The following B3GALT1 variants were observed in gnomAD, a reference collection of about 807,000 sequenced individuals.
B3GALT1 encodes UDP-Gal:betaGlcNAc beta 1,3-galactosyltransferase, polypeptide 1.
In B3GALT1, 10 loss-of-function variants were observed where a neutral mutation model predicts 23.2. That is an observed-to-expected ratio of 0.43 (90% CI 0.27 to 0.73). The LOEUF is 0.73. B3GALT1 is among the 30% of genes least tolerant of loss of function. The pLI is 0.21. For synonymous variants in B3GALT1, 156 were observed against 141.5 expected, an observed-to-expected ratio of 1.10 and a Z score of -0.73; for missense variants, 299 against 405.4, an observed-to-expected ratio of 0.74 and a Z score of 2.25.
chr2:167,439,778 G>T (rs1698847937), intron 1 of B3GALT1, among the ~76,000 whole-genome samples: 1 of 151,300 alleles, frequency 6.6e-6, no homozygotes, highest in South Asian at 2.1e-4. Context: ...TTTAGCAAAT[G>T]TTTATCTATT....
intron 1 of B3GALT1, among the ~76,000 whole-genome samples, chr2:167,431,366 A>G (rs1698701924): frequency 6.6e-6 from 1 of 152,210 alleles, no homozygotes; most frequent in East Asian, 1.9e-4. Context: ...TAATGGAGCC[A>G]TGGGAGTTTT....
intron 3 of B3GALT1, among the ~76,000 whole-genome samples, chr2:167,796,785 G>A (rs908820201): frequency 2.0e-5 from 3 of 151,814 alleles, no homozygotes; most frequent in Admixed American, 6.6e-5. Context: ...ACACATGAAG[G>A]TTTTATAAAG....
At chr2:167,701,135 T>C (rs2105509767) in intron 3 of B3GALT1, among the ~76,000 whole-genome samples, 1 of 152,248 alleles carries the variant, frequency 6.6e-6, no homozygotes, top group East Asian at 1.9e-4. Context: ...ACCACCTCAC[T>C]CAGCAGCTTG....
chr2:167,812,850 G>A (rs1688915906), intron 3 of B3GALT1, among the ~76,000 whole-genome samples: 1 of 151,934 alleles, frequency 6.6e-6, no homozygotes, highest in African/African-American at 2.4e-5. Context: ...CAGTAACTGG[G>A]TTTATATTTT....
intron 2 of B3GALT1, among the ~76,000 whole-genome samples, chr2:167,563,969 CT>C (rs1684089209): frequency 2.1e-5 from 3 of 143,916 alleles, no homozygotes; most frequent in Admixed American, 6.8e-5. Context: ...CCCCACCTCC[CT>C]TCCGGACGGG....
chr2:167,337,390 G>T (rs559848607), intron 1 of B3GALT1, among the ~76,000 whole-genome samples: 1 of 151,344 alleles, frequency 6.6e-6, no homozygotes, highest in Non-Finnish European at 1.5e-5. Context: ...ACATGCACAC[G>T]CACACACACC....
At chr2:167,850,725 C>G (rs1239440489) in intron 4 of B3GALT1, among the ~76,000 whole-genome samples, 1 of 151,992 alleles carries the variant, frequency 6.6e-6, no homozygotes, top group Non-Finnish European at 1.5e-5. Flanking sequence ...AATGGAAAAC[C>G]AAACGTCGTG....
chr2:167,518,121 T>G (rs761182565), intron 2 of B3GALT1, among the ~76,000 whole-genome samples: 1 of 152,172 alleles, frequency 6.6e-6, no homozygotes, highest in Non-Finnish European at 1.5e-5. Context: ...CTCATTCTCC[T>G]TTCATAAGAA....
chr2:167,352,824 A>C (rs1230803072), intron 1 of B3GALT1, among the ~76,000 whole-genome samples: 2 of 152,106 alleles, frequency 1.3e-5, no homozygotes, highest in African/African-American at 2.4e-5. Context: ...GTCCCAGAGA[A>C]TGGTGAAATT....
intron 4 of B3GALT1, among the ~76,000 whole-genome samples, chr2:167,841,994 G>T (rs901569659): frequency 6.6e-6 from 1 of 152,150 alleles, no homozygotes; most frequent in African/African-American, 2.4e-5. Context: ...CACTTTATTA[G>T]AATGCGGTTT....
At chr2:167,606,069 ATAAGGC>A (rs1401859804) in intron 2 of B3GALT1, among the ~76,000 whole-genome samples, 3 of 152,198 alleles carry the variant, frequency 2.0e-5, no homozygotes, top group African/African-American at 4.8e-5. Flanking sequence ...TTTAAAGCGT[ATAAGGC>A]TAAGTTGATT....
chr2:167,583,453 T>G (rs1424368531), intron 2 of B3GALT1, among the ~76,000 whole-genome samples: 1 of 152,194 alleles, frequency 6.6e-6, no homozygotes, highest in Non-Finnish European at 1.5e-5. Context: ...GCTTCTTCTC[T>G]GGGAGTTAGA....
Position 167,474,854 on chromosome 2 carries a change from C to T in B3GALT1, c.-510-15323C>T, listed in dbSNP as rs76747263. ...TGTAGTTTGCTCTCCAAAGGGAGTACGTAAATGTGATTATAAAGTGATTCT... is the reference window on the plus strand; with the variant it reads ...TGTAGTTTGCTCTCCAAAGGGAGTATGTAAATGTGATTATAAAGTGATTCT... On this transcript the variant is annotated intron_variant, in intron 1 of 4. Coordinates refer to ENST00000392690, the MANE Select transcript of B3GALT1 (RefSeq NM_020981.4). Among the ~76,000 whole-genome samples the T allele has an allele frequency of 1.8e-4, 27 of 152,110 alleles. No individual in the cohort carries two copies. In the East Asian group the frequency reaches 4.6e-3, roughly 26 times the overall value.
chr2:167,381,184 C>T (rs996351941), intron 1 of B3GALT1, among the ~76,000 whole-genome samples: 3 of 152,150 alleles, frequency 2.0e-5, no homozygotes, highest in Non-Finnish European at 2.9e-5. Context: ...CCTCCCACCT[C>T]AGCCTTCTGA....
intron 1 of B3GALT1, among the ~76,000 whole-genome samples, chr2:167,399,799 C>T (rs1424947765): frequency 3.9e-5 from 6 of 152,000 alleles, no homozygotes; most frequent in Admixed American, 3.3e-4. Flanking sequence ...GTTGGAGACA[C>T]TATTTTCTGG....
rs1698464008 is a variant in B3GALT1 at position 167,416,034 on chromosome 2, G to A, written c.-510-74143G>A. 2.6e-5 allele frequency among the ~76,000 whole-genome samples: 4 copies of A among 152,288 alleles called. No homozygotes were observed. The South Asian group carries it at 8.3e-4, about 32-fold the overall frequency. On this transcript the variant is annotated intron_variant, in intron 1 of 4. Transcript: ENST00000392690. ...AAAGATTTGGAAAACTCTCGGCCTG[G>A]CCATGTAAGAAGTGAAAAAGCTTGT...
At chr2:167,368,624 G>C (rs147206081) in intron 1 of B3GALT1, among the ~76,000 whole-genome samples, 1 of 152,136 alleles carries the variant, frequency 6.6e-6, no homozygotes, top group African/African-American at 2.4e-5. Context: ...TGGTACTTTC[G>C]TTGCATCTCT....
chr2:167,715,756 A>G (rs1687132415), intron 3 of B3GALT1: 3 of 1,613,160 alleles, frequency 1.9e-6, no homozygotes, highest in African/African-American at 1.3e-5. Flanking sequence ...CATAGCCTTC[A>G]TACTCTTTTG....
intron 3 of B3GALT1, among the ~76,000 whole-genome samples, chr2:167,649,503 C>A (rs1434941683): frequency 6.6e-6 from 1 of 152,022 alleles, no homozygotes; most frequent in African/African-American, 2.4e-5. Flanking sequence ...AATCTGATTT[C>A]TAAGAATTTA....
Sources: allele counts gnomAD v4.1 joint callset (sites outside exome capture counted in the v4.1 genomes callset), GRCh38; gene constraint gnomAD v4.1.1; transcripts MANE v1.5; gene names NCBI Gene and HGNC (gene_info 2026-07-23, HGNC 2026-07-21).